CTNNA2: variants seen among roughly 807,000 people sequenced by gnomAD.
The protein encoded by CTNNA2 is catenin alpha 2.
Under a neutral mutation model 101.0 loss-of-function variants are expected in CTNNA2, and 42 were observed. That is an observed-to-expected ratio of 0.42 (90% confidence interval 0.32 to 0.54). The LOEUF is 0.54. Ranked by LOEUF, CTNNA2 falls within the 20% of genes least tolerant of loss-of-function variation. The pLI, the probability that CTNNA2 is intolerant of heterozygous loss-of-function variation, is 0.14. For synonymous variants in CTNNA2, 450 were observed against 456.4 expected (o/e 0.99, Z 0.18); for missense variants, 871 against 1,223.1 (o/e 0.71, Z 4.29).
rs145881037 is a variant in CTNNA2, at chr2:79,609,864, G to GA, written c.-5-41684dup. On this transcript the variant is annotated intron_variant, in intron 1 of 18. Coordinates refer to ENST00000402739, the MANE Select transcript of CTNNA2 (RefSeq NM_001282597.3). The stretch of plus-strand genomic sequence containing the variant: ...AAAACTTCTAGAAGGAGACATAGGA[G>GA]AAAATGTTTGTGACTTTAGATACAC... Among the ~76,000 whole-genome samples, 1,120 of 152,204 alleles carry GA rather than the reference G, an allele frequency of 7.4e-3. 63 individuals are homozygous for GA. In the East Asian group the frequency reaches 0.12, roughly 16 times the overall value.
At chr2:80,170,071 T>C (rs1704947390) in intron 7 of CTNNA2, among the ~76,000 whole-genome samples, 1 of 152,214 alleles carries the variant, frequency 6.6e-6, no homozygotes, top group South Asian at 2.1e-4. Flanking sequence ...GGGCAATTCA[T>C]TTAAAAACAA....
intron 9 of CTNNA2, among the ~76,000 whole-genome samples, chr2:80,456,807 TAGA>T (rs1251228589): frequency 6.6e-6 from 1 of 151,596 alleles, no homozygotes; most frequent in Non-Finnish European, 1.5e-5. Flanking sequence ...GGAGGTCGAG[TAGA>T]AGGTGGTTAT....
At chr2:79,838,459 A>G (rs1679559010) in intron 3 of CTNNA2, among the ~76,000 whole-genome samples, 1 of 152,194 alleles carries the variant, frequency 6.6e-6, no homozygotes. Context: ...AATATATGCC[A>G]AAACAATAGG....
intron 7 of CTNNA2, among the ~76,000 whole-genome samples, chr2:80,026,004 A>G (rs573422325): frequency 1.3e-5 from 2 of 152,304 alleles, no homozygotes; most frequent in East Asian, 3.9e-4. Flanking sequence ...GATAAGTATT[A>G]CATAACAGGG....
chr2:79,541,646 G>C (rs1409255661), intron 1 of CTNNA2, among the ~76,000 whole-genome samples: 2 of 124,330 alleles, frequency 1.6e-5, no homozygotes, highest in Non-Finnish European at 3.4e-5. Flanking sequence ...TTTTTTTTTT[G>C]AGACAGAGTC....
chr2:79,449,358 A>G (rs998875399), intron 4 of CTNNA2, among the ~76,000 whole-genome samples: 1 of 151,988 alleles, frequency 6.6e-6, no homozygotes, highest in Non-Finnish European at 1.5e-5. Flanking sequence ...CTTGAAAGGA[A>G]TGGGTCTCAT....
At chr2:80,179,481 C>G (rs558037942) in intron 7 of CTNNA2, among the ~76,000 whole-genome samples, 206 of 152,274 alleles carry the variant, frequency 1.4e-3, no homozygotes, top group African/African-American at 4.6e-3. Flanking sequence ...TCACGCCATT[C>G]TCCTGCCTCA....
chr2:79,851,363 T>G (rs1680688035), intron 3 of CTNNA2, among the ~76,000 whole-genome samples: 1 of 152,230 alleles, frequency 6.6e-6, no homozygotes, highest in African/African-American at 2.4e-5. Flanking sequence ...GTTCTGAAGT[T>G]GGACATTGTT....
intron 7 of CTNNA2, among the ~76,000 whole-genome samples, chr2:79,984,342 T>A (rs1691605194): frequency 6.6e-6 from 1 of 152,134 alleles, no homozygotes; most frequent in Non-Finnish European, 1.5e-5. Flanking sequence ...AGAAAAGAGT[T>A]AGTTATTGAT....
intron 12 of CTNNA2, among the ~76,000 whole-genome samples, chr2:80,570,921 G>A (rs1344672634): frequency 6.6e-6 from 1 of 152,092 alleles, no homozygotes; most frequent in Non-Finnish European, 1.5e-5. Context: ...ATTACTAGAT[G>A]TATTCTGAGT....
chr2:80,215,835 G>T (rs1255121399), intron 7 of CTNNA2, among the ~76,000 whole-genome samples: 3 of 152,204 alleles, frequency 2.0e-5, no homozygotes, highest in African/African-American at 7.2e-5. Context: ...GCTGCCTTTT[G>T]TTCATCTATG....
chr2:80,490,470 A>G, intron 9 of CTNNA2, among the ~76,000 whole-genome samples: 1 of 152,118 alleles, frequency 6.6e-6, no homozygotes, highest in East Asian at 1.9e-4. Context: ...GATTTCATAT[A>G]ATTTTCATGT....
chr2:80,302,123 TCC>T lies in CTNNA2; in HGVS notation c.1057-91085_1057-91084del. 8.3e-7 allele frequency: 1 copy of T among 1,207,886 alleles called. No homozygotes were observed. Among genetic ancestry groups the T allele is most frequent in the Non-Finnish European group, 1.1e-6 (1 of 887,304 alleles). The allele number at this position is 1,207,886 out of a possible 1,614,324, so 74.8% of individuals were successfully genotyped here. A position where few individuals can be genotyped will look rare whatever the true frequency, so the allele number is the denominator to read the frequency against. The stretch of plus-strand genomic sequence containing the variant: ...TAAAATGTCAAGTCTCTGGGAGAGA[TCC>T]CCTTAAAGTTTCAGTCAAGGAGCAT... On this transcript the variant is annotated intron_variant, in intron 7 of 18. Transcript: ENST00000402739. This position sits in a 1 kb window ranked among gnomAD's most constrained non-coding sequence, Gnocchi z 6.4.
chr2:79,720,686 C>T (rs1017246024), intron 2 of CTNNA2, among the ~76,000 whole-genome samples: 1 of 152,026 alleles, frequency 6.6e-6, no homozygotes, highest in Admixed American at 6.6e-5. Context: ...TGACTTTCAG[C>T]ATGGACACCA....
intron 9 of CTNNA2, among the ~76,000 whole-genome samples, chr2:80,517,150 T>G (rs1689172692): frequency 1.3e-5 from 2 of 152,228 alleles, no homozygotes; most frequent in Admixed American, 1.3e-4. Flanking sequence ...ACTATAAATT[T>G]GTTTTCTGCA....
intron 8 of CTNNA2, among the ~76,000 whole-genome samples, chr2:80,412,717 C>T (rs1219029603): frequency 6.6e-6 from 1 of 151,912 alleles, no homozygotes; most frequent in African/African-American, 2.4e-5. Context: ...GCCCGGCCTT[C>T]TCCTGTGTCT....
intron 2 of CTNNA2, among the ~76,000 whole-genome samples, chr2:79,664,705 C>CTTTTTTTTTTTTTTTT (rs67782114): frequency 4.0e-4 from 38 of 94,988 alleles, no homozygotes; most frequent in African/African-American, 1.6e-3. Flanking sequence ...TCACATTCTT[C>CTTTTTTTTTTTTTTTT]TTTTTTTTTT....
intron 5 of CTNNA2, among the ~76,000 whole-genome samples, chr2:79,871,920 A>G (rs891918453): frequency 2.0e-5 from 3 of 152,210 alleles, no homozygotes; most frequent in African/African-American, 7.2e-5. Flanking sequence ...ATTTATTTTT[A>G]CTTCATTAAT....
intron 1 of CTNNA2, among the ~76,000 whole-genome samples, chr2:79,616,229 A>G (rs563926309): frequency 6.6e-6 from 1 of 152,274 alleles, no homozygotes; most frequent in South Asian, 2.1e-4. Context: ...TCTTTGGCAT[A>G]TTGCTAGATT....
Sources: gnomAD v4.1 joint callset for allele counts (sites outside exome capture counted in the v4.1 genomes callset) on GRCh38, gnomAD v4.1.1 for gene constraint, Gnocchi (gnomAD v3.1) non-coding constraint, MANE v1.5 for transcripts, NCBI Gene and HGNC (gene_info 2026-07-23, HGNC 2026-07-21) for gene names.